SLC25A21: variants seen among roughly 807,000 people sequenced by gnomAD.
SLC25A21 encodes solute carrier family 25 member 21.
SLC25A21 carries 47 observed loss-of-function variants against 43.8 expected under a neutral mutation model. The observed-to-expected ratio is 1.07, with a 90% CI of 0.85 to 1.37. The LOEUF (loss-of-function observed/expected upper bound fraction) is 1.37. Ranked by LOEUF, SLC25A21 falls within the 40% of genes most tolerant of loss-of-function variation. The probability of loss-of-function intolerance (pLI) is 0.00; values close to 1 mark genes in which losing one functional copy is unlikely to be tolerated. For synonymous variants in SLC25A21, 131 were observed against 121.3 expected, an observed-to-expected ratio of 1.08 and a Z score of -0.52; for missense variants, 352 against 350.2, an observed-to-expected ratio of 1.00 and a Z score of -0.04.
intron 1 of SLC25A21, among the ~76,000 whole-genome samples, chr14:37,082,559 T>C (rs915044758): frequency 2.2e-4 from 33 of 152,186 alleles, no homozygotes; most frequent in African/African-American, 7.5e-4. Flanking sequence ...TAATACCTGA[T>C]GGTTATGAAG....
At chr14:36,966,410 TAG>T (rs907167494) in intron 1 of SLC25A21, among the ~76,000 whole-genome samples, 86 of 152,290 alleles carry the variant, frequency 5.6e-4, no homozygotes, top group African/African-American at 1.9e-3. Context: ...TGGAATTGTT[TAG>T]AGTCTTTTTT....
intron 1 of SLC25A21, among the ~76,000 whole-genome samples, chr14:37,046,891 C>T (rs1188652486): frequency 2.6e-5 from 4 of 152,170 alleles, no homozygotes; most frequent in Non-Finnish European, 4.4e-5. Context: ...CATAACACCC[C>T]TGGTTCCTTC....
At chr14:36,865,087 C>G (rs929175538) in intron 2 of SLC25A21, among the ~76,000 whole-genome samples, 1 of 151,516 alleles carries the variant, frequency 6.6e-6, no homozygotes, top group African/African-American at 2.4e-5. Flanking sequence ...GTGTTTCCAC[C>G]CTGCTGTTCC....
At chr14:36,923,322 A>C (rs562945297) in intron 1 of SLC25A21, among the ~76,000 whole-genome samples, 27 of 152,306 alleles carry the variant, frequency 1.8e-4, no homozygotes, top group African/African-American at 6.3e-4. Flanking sequence ...CTGATAAAAA[A>C]ATATGCCACA....
chr14:36,736,480 G>A (rs2139232643), intron 3 of SLC25A21, among the ~76,000 whole-genome samples: 2 of 152,126 alleles, frequency 1.3e-5, no homozygotes, highest in East Asian at 3.9e-4. Context: ...GGCATAAAGA[G>A]TGACCAAGCA....
intron 3 of SLC25A21, among the ~76,000 whole-genome samples, chr14:36,741,410 A>G (rs1286495526): frequency 6.6e-6 from 1 of 152,190 alleles, no homozygotes; most frequent in Non-Finnish European, 1.5e-5. Flanking sequence ...CTGATACATT[A>G]AAGAGAAAAT....
At chr14:36,739,935 C>T (rs1014181236) in intron 3 of SLC25A21, among the ~76,000 whole-genome samples, 5 of 152,154 alleles carry the variant, frequency 3.3e-5, no homozygotes, top group East Asian at 1.9e-4. Flanking sequence ...GAAACCTAGC[C>T]CAAGAGACAA....
rs1213861255 is a variant in SLC25A21 at position 37,064,091 on chromosome 14, C to A, written c.70+108190G>T. Among the ~76,000 whole-genome samples, 7 of 152,230 alleles carry A rather than the reference C, an allele frequency of 4.6e-5. No individual in the cohort carries two copies. The East Asian group carries it at 1.4e-3, about 29-fold the overall frequency. On this transcript the variant is annotated intron_variant, in intron 1 of 9. Transcript: ENST00000331299. ...GAGGAAGATTAACCCTCAATGTGAG[C>A]AGGTGCCATCTAATTAACTGGGAGC...
intron 1 of SLC25A21, among the ~76,000 whole-genome samples, chr14:36,895,008 G>C (rs1377914216): frequency 5.3e-5 from 8 of 151,920 alleles, no homozygotes; most frequent in African/African-American, 1.9e-4. Flanking sequence ...TCTCTTTTTT[G>C]GTTGTGTCTC....
intron 1 of SLC25A21, among the ~76,000 whole-genome samples, chr14:36,897,755 C>G (rs1470988425): frequency 6.6e-6 from 1 of 152,168 alleles, no homozygotes; most frequent in Admixed American, 6.5e-5. Flanking sequence ...TTCTAACAGT[C>G]AGGACCCTCA....
At chr14:36,927,715 A>T (rs1171498603) in intron 1 of SLC25A21, among the ~76,000 whole-genome samples, 1 of 152,198 alleles carries the variant, frequency 6.6e-6, no homozygotes, top group Non-Finnish European at 1.5e-5. Context: ...TAATATTTTA[A>T]AGTAGACTTA....
At chr14:37,098,036 T>G (rs1419367402) in intron 1 of SLC25A21, 1 of 152,190 alleles carries the variant, frequency 6.6e-6, no homozygotes, top group Non-Finnish European at 1.5e-5. Flanking sequence ...TTTTGTAAGT[T>G]TCAATGTTTT....
intron 3 of SLC25A21, among the ~76,000 whole-genome samples, chr14:36,787,183 G>A (rs1481940136): frequency 2.0e-5 from 3 of 152,156 alleles, no homozygotes; most frequent in Non-Finnish European, 2.9e-5. Context: ...CAAGAGTAGC[G>A]GAGAGGAGGA....
rs376237871 is a variant in SLC25A21, at chr14:36,679,450, G to T, written c.*1208C>A. 1.0e-6 allele frequency: 1 copy of T among 985,354 alleles called. No individual in the cohort carries two copies. The highest frequency in any genetic ancestry group is 1.1e-4 in the East Asian group (1 of 8,814). The allele number at this position is 985,354 out of a possible 1,614,324, so 61.0% of individuals were successfully genotyped here. On this transcript the variant is annotated 3_prime_UTR_variant, in exon 10 of 10. Coordinates refer to ENST00000331299, the MANE Select transcript of SLC25A21 (RefSeq NM_030631.4). ...AGCCCACGGTAGTAACTTAGGACAG[G>T]TGTCATATGGACTTTCAGTTATTCT...
intron 1 of SLC25A21, among the ~76,000 whole-genome samples, chr14:37,049,694 T>G (rs1329629707): frequency 1.3e-5 from 2 of 152,196 alleles, no homozygotes; most frequent in African/African-American, 4.8e-5. Flanking sequence ...ATATTTGTAA[T>G]TCTGAATTTT....
chr14:37,120,588 A>G (rs1963190351), intron 1 of SLC25A21, among the ~76,000 whole-genome samples: 1 of 152,176 alleles, frequency 6.6e-6, no homozygotes, highest in Non-Finnish European at 1.5e-5. Flanking sequence ...AAGCATAAGG[A>G]GCACCAGATC....
intron 2 of SLC25A21, among the ~76,000 whole-genome samples, chr14:36,874,049 T>G (rs147041139): frequency 1.3e-5 from 2 of 152,332 alleles, no homozygotes; most frequent in African/African-American, 4.8e-5. Flanking sequence ...AGAAATGTAA[T>G]ATTATTTTTG....
chr14:37,081,882 T>C (rs189472803), intron 1 of SLC25A21, among the ~76,000 whole-genome samples: 75 of 152,302 alleles, frequency 4.9e-4, no homozygotes, highest in Admixed American at 4.0e-3. Context: ...AGTACCTAAG[T>C]TGTCTTAGTA....
At chr14:37,091,156 C>T (rs1252200687) in intron 1 of SLC25A21, among the ~76,000 whole-genome samples, 1 of 152,046 alleles carries the variant, frequency 6.6e-6, no homozygotes, top group Non-Finnish European at 1.5e-5. Flanking sequence ...GACAATGGGC[C>T]GGGTGCGGTG....
Sources: allele counts gnomAD v4.1 joint callset (sites outside exome capture counted in the v4.1 genomes callset), GRCh38; gene constraint gnomAD v4.1.1; transcripts MANE v1.5; gene names NCBI Gene and HGNC (gene_info 2026-07-23, HGNC 2026-07-21).